Variants in COL24A1 observed in about 807,000 individuals in gnomAD.
COL24A1 encodes the protein collagen alpha-1(XXIV) chain.
COL24A1 carries 224 observed loss-of-function variants against 253.9 expected under a neutral mutation model. That is an observed-to-expected ratio of 0.88 (90% CI 0.79 to 0.99). The LOEUF is 0.99. Among genes scored for constraint, COL24A1 ranks in the 50% least tolerant of loss-of-function variants. The pLI, the probability that COL24A1 is intolerant of heterozygous loss-of-function variation, is 0.00. For synonymous variants in COL24A1, 685 were observed against 673.7 expected (o/e 1.02, Z -0.26); for missense variants, 2,131 against 2,068.5 (o/e 1.03, Z -0.59).
rs375898500 is a variant in COL24A1 at position 85,852,532 on chromosome 1, G to A, written c.3301-3126C>T. On this transcript the variant is annotated intron_variant, in intron 37 of 59. Coordinates refer to ENST00000370571, the MANE Select transcript of COL24A1 (RefSeq NM_152890.7). ...TAAAAATCCCATTGGGATTTTGGTT[G>A]AAATTGTATTAAGTGTATTCATTAA... Among the ~76,000 whole-genome samples the A allele has an allele frequency of 5.9e-5, 9 of 152,096 alleles. No individual in the cohort carries two copies. In the South Asian group the frequency reaches 1.9e-3, roughly 32 times the overall value.
chr1:85,946,224 T>C (rs1482873321), intron 24 of COL24A1, among the ~76,000 whole-genome samples: 2 of 152,176 alleles, frequency 1.3e-5, no homozygotes, highest in East Asian at 3.9e-4. Flanking sequence ...TAACATGTTA[T>C]AGCTCACTTC....
At chr1:85,957,486 A>G (rs1305781538) in intron 24 of COL24A1, among the ~76,000 whole-genome samples, 1 of 152,178 alleles carries the variant, frequency 6.6e-6, no homozygotes, top group Non-Finnish European at 1.5e-5. Flanking sequence ...TTATCCTGAG[A>G]CAGTCTATAT....
intron 24 of COL24A1, among the ~76,000 whole-genome samples, chr1:85,915,525 T>C (rs1316949282): frequency 6.6e-6 from 1 of 152,236 alleles, no homozygotes; most frequent in Non-Finnish European, 1.5e-5. Context: ...GTTCTGTTTC[T>C]CTGGAAAACC....
At chr1:85,946,297 A>G (rs1224852770) in intron 24 of COL24A1, among the ~76,000 whole-genome samples, 3 of 152,086 alleles carry the variant, frequency 2.0e-5, no homozygotes, top group Admixed American at 6.5e-5. Context: ...GGGACACCGC[A>G]CCGGGTTTCC....
At chr1:85,829,913 T>G (rs1218948814) in intron 43 of COL24A1, among the ~76,000 whole-genome samples, 2 of 152,154 alleles carry the variant, frequency 1.3e-5, no homozygotes, top group Non-Finnish European at 2.9e-5. Flanking sequence ...GAAGCCTTCT[T>G]CTCTGAGTTC....
At chr1:85,897,410 A>C (rs1683851974) in intron 28 of COL24A1, among the ~76,000 whole-genome samples, 1 of 151,772 alleles carries the variant, frequency 6.6e-6, no homozygotes, top group African/African-American at 2.4e-5. Context: ...ACTTAAAATA[A>C]AAATTGAAGA....
chr1:85,767,228 A>G (rs147014488), intron 53 of COL24A1, among the ~76,000 whole-genome samples: 11 of 152,290 alleles, frequency 7.2e-5, no homozygotes, highest in African/African-American at 2.4e-4. Flanking sequence ...GGTCTTAGCT[A>G]ATAAAATCCA....
intron 32 of COL24A1, among the ~76,000 whole-genome samples, chr1:85,884,993 G>A (rs911864010): frequency 2.6e-5 from 4 of 152,136 alleles, no homozygotes; most frequent in Admixed American, 2.6e-4. Flanking sequence ...GCTAATTATA[G>A]TTTAAAGTGT....
At chr1:85,906,958 G>A (rs1033624889) in intron 28 of COL24A1, among the ~76,000 whole-genome samples, 4 of 151,798 alleles carry the variant, frequency 2.6e-5, no homozygotes, top group Admixed American at 6.6e-5. Context: ...AATTCTATAT[G>A]AGTTAGTGAT....
chr1:86,089,244 G>C lies in COL24A1; in HGVS notation c.1654-17C>G. 1 of 1,557,204 alleles carries C rather than the reference G, an allele frequency of 6.4e-7. No individual in the cohort carries two copies. The highest frequency in any genetic ancestry group is 8.6e-7 in the Non-Finnish European group (1 of 1,159,006). Reference sequence around the variant, plus strand: ...TTGATCACCCTATAAACAAAATACAGACGTTTAATGTCATGAAAGAGAACT... The same window carrying C: ...TTGATCACCCTATAAACAAAATACACACGTTTAATGTCATGAAAGAGAACT... On this transcript the variant is annotated splice_polypyrimidine_tract_variant and intron_variant, in intron 6 of 59. Transcript: ENST00000370571.
chr1:86,028,558 C>T (rs780892226), intron 14 of COL24A1, among the ~76,000 whole-genome samples: 79 of 152,202 alleles, frequency 5.2e-4, no homozygotes, highest in African/African-American at 2.9e-4. Context: ...TTGTAAGTTT[C>T]CTGAGGCCTC....
chr1:86,126,224 T>TA lies in COL24A1; in HGVS notation c.122-11dup. ...TGAAGAATATCTATGCCTGGAAATT[T>TA]AAAAAAGAGAGAGAGAAAGAATCTT... On this transcript the variant is annotated splice_polypyrimidine_tract_variant and intron_variant, in intron 2 of 59. Coordinates refer to ENST00000370571, the MANE Select transcript of COL24A1 (RefSeq NM_152890.7). 1 of 1,557,988 alleles carries TA rather than the reference T, an allele frequency of 6.4e-7. No individual in the cohort carries two copies. Among genetic ancestry groups the TA allele is most frequent in the Non-Finnish European group, 8.6e-7 (1 of 1,162,076 alleles).
intron 53 of COL24A1, among the ~76,000 whole-genome samples, chr1:85,770,484 A>T (rs1667833365): frequency 6.6e-6 from 1 of 151,932 alleles, no homozygotes; most frequent in South Asian, 2.1e-4. Context: ...CATGGATCAC[A>T]TGCTAAGTGA....
At chr1:85,843,075 A>G (rs1676793264) in intron 39 of COL24A1, among the ~76,000 whole-genome samples, 1 of 152,186 alleles carries the variant, frequency 6.6e-6, no homozygotes, top group Non-Finnish European at 1.5e-5. Context: ...AAAAGATTCC[A>G]TATTGACTCT....
chr1:86,033,053 A>G (rs1698707842), intron 13 of COL24A1, among the ~76,000 whole-genome samples: 1 of 152,194 alleles, frequency 6.6e-6, no homozygotes, highest in Admixed American at 6.5e-5. Context: ...TTATTTGAAA[A>G]TCAGTTCTAC....
chr1:85,961,903 C>A lies in COL24A1; in HGVS notation c.2518-610G>T, dbSNP rs143159558. On this transcript the variant is annotated intron_variant, in intron 23 of 59. Transcript: ENST00000370571. ...GCCCCAATGAGCCAATCGCTTCCCA[C>A]TAGGTCCCTCCTCCAGTTTGACATG... Among the ~76,000 whole-genome samples, 4 of 152,288 alleles carry A rather than the reference C, an allele frequency of 2.6e-5. No individual in the cohort carries two copies. The East Asian group carries it at 7.7e-4, about 29-fold the overall frequency.
At chr1:86,022,721 G>T in intron 16 of COL24A1, 112 bp downstream of exon 16, 1 of 1,238,836 alleles carries the variant, frequency 8.1e-7, no homozygotes, top group South Asian at 1.7e-5. Flanking sequence ...TAATATAATT[G>T]ATACTACAAA....
At chr1:86,151,961 A>T (rs1426093976) in intron 1 of COL24A1, among the ~76,000 whole-genome samples, 1 of 152,210 alleles carries the variant, frequency 6.6e-6, no homozygotes, top group Non-Finnish European at 1.5e-5. Context: ...TAATTTCAAC[A>T]ATTTCCACCA....
At chr1:86,084,822 A>G (rs775315621) in intron 7 of COL24A1, among the ~76,000 whole-genome samples, 98 of 152,152 alleles carry the variant, frequency 6.4e-4, no homozygotes, top group African/African-American at 7.0e-4. Flanking sequence ...GCACTGTGAT[A>G]CCTTGTTCTC....
Sources: allele counts gnomAD v4.1 joint callset (sites outside exome capture counted in the v4.1 genomes callset), GRCh38; gene constraint gnomAD v4.1.1; transcripts MANE v1.5; gene names NCBI Gene and HGNC (gene_info 2026-07-23, HGNC 2026-07-21).